Variants in GPR158 observed in about 807,000 individuals in gnomAD.
GPR158 encodes the protein metabotropic glycine receptor.
A neutral mutation model predicts 78.2 loss-of-function variants in GPR158; 30 were observed. That is an observed-to-expected ratio of 0.38 (90% CI 0.29 to 0.52). The LOEUF (loss-of-function observed/expected upper bound fraction) is 0.52. Ranked by LOEUF, GPR158 falls within the 20% of genes least tolerant of loss-of-function variation. The probability of loss-of-function intolerance (pLI) is 0.83; values close to 1 mark genes in which losing one functional copy is unlikely to be tolerated. For missense variants in GPR158, 1,463 were observed against 1,523.5 expected, an observed-to-expected ratio of 0.96 and a Z score of 0.66; for synonymous variants, 581 against 591.1, an observed-to-expected ratio of 0.98 and a Z score of 0.25.
chr10:25,591,520 C>G (rs1009259346), intron 8 of GPR158, among the ~76,000 whole-genome samples: 12 of 152,184 alleles, frequency 7.9e-5, no homozygotes, highest in Admixed American at 4.6e-4. Flanking sequence ...ATTGAATGCT[C>G]CATGTTGAAC....
intron 1 of GPR158, among the ~76,000 whole-genome samples, chr10:25,193,536 G>T (rs1852804123): frequency 1.3e-5 from 2 of 152,190 alleles, no homozygotes; most frequent in Non-Finnish European, 1.5e-5. Context: ...TGTGGTAGAA[G>T]ATGAGAGGAA....
At chr10:25,411,305 T>A (rs753830408) in intron 3 of GPR158, among the ~76,000 whole-genome samples, 3 of 152,162 alleles carry the variant, frequency 2.0e-5, no homozygotes, top group Non-Finnish European at 4.4e-5. Context: ...AGTGGGAAAT[T>A]ACATGATAGC....
At chr10:25,580,599 G>A (rs1178443840) in intron 7 of GPR158, among the ~76,000 whole-genome samples, 3 of 152,192 alleles carry the variant, frequency 2.0e-5, no homozygotes, top group East Asian at 3.8e-4. Context: ...ACAGAAAATA[G>A]ATTAGACTTT....
chr10:25,211,818 A>G (rs1853135231), intron 1 of GPR158, among the ~76,000 whole-genome samples: 1 of 152,190 alleles, frequency 6.6e-6, no homozygotes, highest in Non-Finnish European at 1.5e-5. Flanking sequence ...ATATTTATCC[A>G]TTAGTGGCCC....
intron 6 of GPR158, 49 bp from the exon 7 acceptor site, chr10:25,572,600 C>T: frequency 5.2e-6 from 6 of 1,152,594 alleles, no homozygotes; most frequent in Non-Finnish European, 7.9e-6. Flanking sequence ...TAGAGTTATA[C>T]TTTCTGAATG....
chr10:25,529,716 A>G (rs1283580580), intron 5 of GPR158, among the ~76,000 whole-genome samples: 1 of 152,206 alleles, frequency 6.6e-6, no homozygotes, highest in Non-Finnish European at 1.5e-5. Context: ...TAAAGGAAAC[A>G]GGAATACTAT....
chr10:25,537,530 T>C (rs1375294491), intron 5 of GPR158, among the ~76,000 whole-genome samples: 1 of 152,142 alleles, frequency 6.6e-6, no homozygotes, highest in Admixed American at 6.5e-5. Context: ...CATTGTTTAC[T>C]TTGTGTGTTA....
At chr10:25,189,109 G>A (rs1341193602) in intron 1 of GPR158, among the ~76,000 whole-genome samples, 3 of 152,132 alleles carry the variant, frequency 2.0e-5, no homozygotes, top group Non-Finnish European at 2.9e-5. Context: ...AGTTAGAATG[G>A]CGATCATTCA....
At chr10:25,555,205 GCT>G (rs938906947) in intron 6 of GPR158, among the ~76,000 whole-genome samples, 2 of 152,132 alleles carry the variant, frequency 1.3e-5, no homozygotes, top group African/African-American at 2.4e-5. Flanking sequence ...GGCGATGTGG[GCT>G]CTTTTTTGGT....
intron 5 of GPR158, among the ~76,000 whole-genome samples, chr10:25,507,448 A>C (rs1836028168): frequency 6.6e-6 from 1 of 152,206 alleles, no homozygotes; most frequent in Non-Finnish European, 1.5e-5. Flanking sequence ...AACATAGGTG[A>C]TTGGGAGCCC....
chr10:25,251,252 C>T (rs1588758658), intron 2 of GPR158, among the ~76,000 whole-genome samples: 2 of 152,182 alleles, frequency 1.3e-5, no homozygotes, highest in African/African-American at 4.8e-5. Context: ...ACTGATGGGT[C>T]TTGACTCTTT....
chr10:25,559,602 T>C lies in GPR158; in HGVS notation c.1514+8517T>C, dbSNP rs146226267. On this transcript the variant is annotated intron_variant, in intron 6 of 10. Transcript: ENST00000376351. Reference sequence around the variant, plus strand: ...TCAAAGATCATGTTGTTTACAAAGATAGAATGTTATGAGAATGCTCAGAAA... The same window carrying C: ...TCAAAGATCATGTTGTTTACAAAGACAGAATGTTATGAGAATGCTCAGAAA... 3.4e-3 allele frequency among the ~76,000 whole-genome samples: 521 copies of C among 152,294 alleles called. 1 individual carries two copies. The highest frequency in any genetic ancestry group is 0.011 in the African/African-American group (442 of 41,570).
At position 25,597,753 on chromosome 10, in the gene GPR158, T is replaced by G; in HGVS notation, c.2146-19T>G. ...ACACTAAATTCTACACTTCTTTGAA[T>G]TTGCTTTTGTTCTGGCAGGACGAGC... On this transcript the variant is annotated intron_variant, in intron 10 of 10. Transcript: ENST00000376351. 6.7e-7 allele frequency: 1 copy of G among 1,490,086 alleles called. No individual in the cohort carries two copies. The highest frequency in any genetic ancestry group is 2.3e-5 in the East Asian group (1 of 43,560). The allele number at this position is 1,490,086 out of a possible 1,614,324, so 92.3% of individuals were successfully genotyped here.
At chr10:25,210,883 C>T (rs1853120040) in intron 1 of GPR158, among the ~76,000 whole-genome samples, 1 of 152,230 alleles carries the variant, frequency 6.6e-6, no homozygotes, top group African/African-American at 2.4e-5. Context: ...CCTGTAATCC[C>T]AGCACTTTGG....
At chr10:25,423,227 GTTGA>G (rs1018101364) in intron 4 of GPR158, among the ~76,000 whole-genome samples, 12 of 151,404 alleles carry the variant, frequency 7.9e-5, no homozygotes, top group African/African-American at 2.9e-4. Context: ...TTATCCACTA[GTTGA>G]TTGATGGACA....
chr10:25,237,893 TG>T (rs1411730522), intron 2 of GPR158, among the ~76,000 whole-genome samples: 2 of 152,116 alleles, frequency 1.3e-5, no homozygotes, highest in Non-Finnish European at 2.9e-5. Context: ...CATTTCTTCC[TG>T]TCCTCTCTAT....
At chr10:25,238,881 T>G (rs987024366) in intron 2 of GPR158, among the ~76,000 whole-genome samples, 2 of 152,230 alleles carry the variant, frequency 1.3e-5, no homozygotes, top group Non-Finnish European at 2.9e-5. Context: ...CTTCACACTT[T>G]ATACAGGTAT....
chr10:25,457,538 T>G (rs981153494), intron 4 of GPR158, among the ~76,000 whole-genome samples: 3 of 152,114 alleles, frequency 2.0e-5, no homozygotes, highest in Non-Finnish European at 2.9e-5. Flanking sequence ...ACAAATAGAT[T>G]ACAGAGAAGT....
At chr10:25,564,796 C>G (rs1564491383) in intron 6 of GPR158, among the ~76,000 whole-genome samples, 1 of 152,172 alleles carries the variant, frequency 6.6e-6, no homozygotes, top group Non-Finnish European at 1.5e-5. Flanking sequence ...CCCTTCATTT[C>G]TATAAGCTCC....
Sources: allele counts gnomAD v4.1 joint callset (sites outside exome capture counted in the v4.1 genomes callset), GRCh38; gene constraint gnomAD v4.1.1; transcripts MANE v1.5; gene names NCBI Gene and HGNC (gene_info 2026-07-23, HGNC 2026-07-21).